The following MOB1B variants were observed in gnomAD, a reference collection of about 807,000 sequenced individuals.
MOB1B encodes MOB kinase activator 1B, also known as MOB1 Mps One Binder homolog B.
A neutral mutation model predicts 24.4 loss-of-function variants in MOB1B; 19 were observed. The observed-to-expected ratio is 0.78, with a 90% CI of 0.54 to 1.14. MOB1B has a LOEUF of 1.14. Among genes scored for constraint, MOB1B ranks in the 50% most tolerant of loss-of-function variants. The pLI, the probability that MOB1B is intolerant of heterozygous loss-of-function variation, is 0.00. For synonymous variants in MOB1B, 76 were observed against 82.1 expected, an observed-to-expected ratio of 0.93 and a Z score of 0.40; for missense variants, 243 against 259.6, an observed-to-expected ratio of 0.94 and a Z score of 0.44.
At chr4:70,974,323 C>T (rs141148435) in intron 3 of MOB1B, among the ~76,000 whole-genome samples, 64 of 152,158 alleles carry the variant, frequency 4.2e-4, no homozygotes, top group Admixed American at 1.4e-3. Flanking sequence ...AGGCTGGTCT[C>T]GAACTCCTGA....
rs1739386396 is a variant in MOB1B, at chr4:70,986,472, A to G, written c.*4415A>G. The stretch of plus-strand genomic sequence containing the variant: ...TTTTAAAAGATGTGGGACCAAAAAT[A>G]TATTTATAATTTGGAAATGTGACTG... On this transcript the variant is annotated 3_prime_UTR_variant, in exon 6 of 6. Transcript: ENST00000309395. 1 of 152,134 alleles carries G rather than the reference A, an allele frequency of 6.6e-6. No homozygotes were observed. Among genetic ancestry groups the G allele is most frequent in the Admixed American group, 6.5e-5 (1 of 15,280 alleles). 9.4% of individuals were successfully genotyped at this position (152,134 alleles called of 1,614,324 possible).
chr4:70,945,586 G>C (rs541024709), intron 1 of MOB1B, among the ~76,000 whole-genome samples: 2 of 152,332 alleles, frequency 1.3e-5, no homozygotes, highest in Admixed American at 1.3e-4. Context: ...AGTATTTGCT[G>C]TACTTTCAAA....
At chr4:70,952,355 A>G (rs1737842487) in intron 1 of MOB1B, among the ~76,000 whole-genome samples, 1 of 152,102 alleles carries the variant, frequency 6.6e-6, no homozygotes. Flanking sequence ...GTAAAAGCAA[A>G]TAAAAACAGG....
At chr4:70,950,077 T>A (rs1405890882) in intron 1 of MOB1B, among the ~76,000 whole-genome samples, 1 of 152,006 alleles carries the variant, frequency 6.6e-6, no homozygotes, top group Non-Finnish European at 1.5e-5. Flanking sequence ...AGGGAGAAAA[T>A]TATTAGAAAT....
At position 70,979,311 on chromosome 4, in the gene MOB1B, C is replaced by T. The variant is rs774891305; in HGVS notation, c.573+20C>T. ...GTCCAGGTAAGTTGGATTAGGAGGCCTTTGGTGCTCAGGGTAAGCATTTAT... is the reference window on the plus strand; with the variant it reads ...GTCCAGGTAAGTTGGATTAGGAGGCTTTTGGTGCTCAGGGTAAGCATTTAT... On this transcript the variant is annotated intron_variant, in intron 5 of 5. Coordinates refer to ENST00000309395, the MANE Select transcript of MOB1B (RefSeq NM_173468.4). 6.3e-7 allele frequency: 1 copy of T among 1,595,386 alleles called. No individual in the cohort carries two copies. Among genetic ancestry groups the T allele is most frequent in the South Asian group, 1.1e-5 (1 of 90,562 alleles).
chr4:70,925,672 T>TTA (rs1736620844), intron 1 of MOB1B, among the ~76,000 whole-genome samples: 2 of 152,140 alleles, frequency 1.3e-5, no homozygotes, highest in Admixed American at 1.3e-4. Context: ...ATAATGCATT[T>TTA]TAATAAGATC....
intron 1 of MOB1B, among the ~76,000 whole-genome samples, chr4:70,939,704 G>A (rs1737251248): frequency 6.6e-6 from 1 of 152,212 alleles, no homozygotes; most frequent in African/African-American, 2.4e-5. Flanking sequence ...CCTCTACAGG[G>A]AGTGTGCAGT....
chr4:70,979,078 T>C (rs1739105038), intron 4 of MOB1B, 50 bp from the exon 5 acceptor site: 5 of 1,475,748 alleles, frequency 3.4e-6, no homozygotes, highest in Admixed American at 1.8e-5. Flanking sequence ...AAACTCATTG[T>C]CTTGTTGTCA....
upstream of MOB1B, chr4:70,902,335 C>T (rs1735539393): frequency 7.6e-6 from 5 of 660,036 alleles, no homozygotes; most frequent in Admixed American, 4.3e-5. Context: ...TGATTCAAGA[C>T]GAGCGCTACC....
chr4:70,949,645 T>C lies in MOB1B; in HGVS notation c.15-9229T>C, dbSNP rs894373756. Among the ~76,000 whole-genome samples, 77 of 152,208 alleles carry C rather than the reference T, an allele frequency of 5.1e-4. 1 individual carries two copies. The highest frequency in any genetic ancestry group is 1.8e-3 in the African/African-American group (74 of 41,538). ...TAAGATGTATCTATTCCCAGCACTT[T>C]GGGTGGTGGGGATGGGGGGATCACT... is the stretch of plus-strand genomic sequence containing the variant. On this transcript the variant is annotated intron_variant, in intron 1 of 5. Transcript: ENST00000309395.
chr4:70,949,234 TCTTA>T (rs1406932464), intron 1 of MOB1B, among the ~76,000 whole-genome samples: 2 of 152,222 alleles, frequency 1.3e-5, no homozygotes, highest in African/African-American at 4.8e-5. Context: ...GTTAAGGATT[TCTTA>T]CTCACTTAAT....
chr4:70,963,163 T>A (rs889982924), intron 2 of MOB1B, among the ~76,000 whole-genome samples: 1 of 152,056 alleles, frequency 6.6e-6, no homozygotes, highest in African/African-American at 2.4e-5. Context: ...AATTCAGCAA[T>A]AAGGGCTATC....
intron 1 of MOB1B, among the ~76,000 whole-genome samples, chr4:70,949,409 T>C (rs1737713225): frequency 6.6e-6 from 1 of 152,254 alleles, no homozygotes; most frequent in Non-Finnish European, 1.5e-5. Flanking sequence ...TTTAGTCTTA[T>C]TATTTCTAGA....
intron 1 of MOB1B, among the ~76,000 whole-genome samples, chr4:70,940,975 G>A (rs2148884830): frequency 6.6e-6 from 1 of 152,230 alleles, no homozygotes; most frequent in East Asian, 1.9e-4. Flanking sequence ...GCCCGGCCCG[G>A]CATTAAATAT....
intron 3 of MOB1B, among the ~76,000 whole-genome samples, chr4:70,974,610 CA>C (rs1368486281): frequency 1.3e-5 from 2 of 152,090 alleles, no homozygotes; most frequent in Non-Finnish European, 2.9e-5. Context: ...ATTTGGGTTG[CA>C]AATTTTCTTT....
intron 1 of MOB1B, among the ~76,000 whole-genome samples, chr4:70,938,331 CCCCAAA>C (rs1737174871): frequency 2.1e-5 from 1 of 48,224 alleles, no homozygotes; most frequent in African/African-American, 7.1e-5. Flanking sequence ...CCCCCCCCCC[CCCCAAA>C]AAAAAAAAAA....
At chr4:70,967,559 A>AT (rs1738584356) in intron 2 of MOB1B, among the ~76,000 whole-genome samples, 1 of 152,226 alleles carries the variant, frequency 6.6e-6, no homozygotes, top group South Asian at 2.1e-4. Context: ...TGTTCTGAAA[A>AT]TCCCTTTTTG....
intron 1 of MOB1B, among the ~76,000 whole-genome samples, chr4:70,914,309 A>AAGG (rs1204185746): frequency 1.3e-5 from 2 of 152,202 alleles, no homozygotes; most frequent in African/African-American, 4.8e-5. Context: ...GTGTGGATAT[A>AAGG]AGGATTCCCA....
chr4:70,954,070 A>G (rs1002596002), intron 1 of MOB1B, among the ~76,000 whole-genome samples: 6 of 152,166 alleles, frequency 3.9e-5, no homozygotes, highest in Admixed American at 1.3e-4. Context: ...CCCCAAAAAA[A>G]GAAACCCAGA....
Sources: allele counts gnomAD v4.1 joint callset (sites outside exome capture counted in the v4.1 genomes callset), GRCh38; gene constraint gnomAD v4.1.1; transcripts MANE v1.5; gene names NCBI Gene and HGNC (gene_info 2026-07-23, HGNC 2026-07-21).